Variants in KAZN observed in about 807,000 individuals in gnomAD.
KAZN encodes kazrin.
A neutral mutation model predicts 87.4 loss-of-function variants in KAZN; 40 were observed. The ratio of observed to expected loss-of-function variants is 0.46; its 90% confidence interval spans 0.36 to 0.60. The LOEUF (loss-of-function observed/expected upper bound fraction) is 0.60, where lower values mean the gene tolerates loss of function less well. KAZN is among the 20% of genes least tolerant of loss of function. The pLI is 0.00. For synonymous variants in KAZN, 466 were observed against 458.3 expected (o/e 1.02, Z -0.22); for missense variants, 898 against 1,073.9 (o/e 0.84, Z 2.29).
chr1:14,507,980 A>AAT (rs1553181513), intron 2 of KAZN, among the ~76,000 whole-genome samples: 29 of 41,970 alleles, frequency 6.9e-4, no homozygotes, highest in African/African-American at 2.5e-3. Flanking sequence ...AAAATAAATA[A>AAT]AAAAAAAAAA....
chr1:14,226,500 T>C (rs1161129215), intron 2 of KAZN, among the ~76,000 whole-genome samples: 4 of 152,176 alleles, frequency 2.6e-5, no homozygotes, highest in African/African-American at 9.7e-5. Context: ...TGGAGGTTTC[T>C]CAGAGAACTT....
At chr1:14,832,455 A>G (rs1198721415) in intron 1 of KAZN, among the ~76,000 whole-genome samples, 1 of 152,170 alleles carries the variant, frequency 6.6e-6, no homozygotes, top group Non-Finnish European at 1.5e-5. Context: ...CCTGGGAGTA[A>G]TGTTCACTAT....
At chr1:14,747,413 A>G (rs185835972) in intron 1 of KAZN, among the ~76,000 whole-genome samples, 1 of 152,238 alleles carries the variant, frequency 6.6e-6, no homozygotes, top group East Asian at 1.9e-4. Context: ...AATAACTGGG[A>G]CTACAGGCAT....
intron 2 of KAZN, among the ~76,000 whole-genome samples, chr1:15,029,531 G>A (rs184282853): frequency 6.6e-6 from 1 of 152,296 alleles, no homozygotes; most frequent in African/African-American, 2.4e-5. Context: ...CCCTTGGACT[G>A]CCGGATAAAT....
intron 2 of KAZN, among the ~76,000 whole-genome samples, chr1:14,355,142 CAATT>C (rs1438875535): frequency 6.6e-6 from 1 of 152,128 alleles, no homozygotes; most frequent in Non-Finnish European, 1.5e-5. Context: ...AGAACCAACA[CAATT>C]AATTACAGTG....
chr1:14,200,436 A>G (rs1646615472), intron 2 of KAZN, among the ~76,000 whole-genome samples: 1 of 152,174 alleles, frequency 6.6e-6, no homozygotes, highest in Non-Finnish European at 1.5e-5. Context: ...CCCCATATGG[A>G]AAAAAATTTT....
upstream of KAZN, chr1:14,598,656 T>C: frequency 8.3e-7 from 1 of 1,203,600 alleles, no homozygotes; most frequent in Non-Finnish European, 1.0e-6. This position sits in a 1 kb window ranked among gnomAD's most constrained non-coding sequence, Gnocchi z 4.2. Flanking sequence ...TAGGCTCCAT[T>C]TAAAGAGTGC....
chr1:13,982,627 G>A (rs556366303), intron 1 of KAZN, among the ~76,000 whole-genome samples: 6 of 152,186 alleles, frequency 3.9e-5, no homozygotes, highest in South Asian at 2.1e-4. Flanking sequence ...TGGTAGAGCC[G>A]AGTGGTCTGT....
intron 2 of KAZN, among the ~76,000 whole-genome samples, chr1:14,445,926 G>C (rs542118737): frequency 5.4e-4 from 82 of 152,178 alleles, no homozygotes; most frequent in Admixed American, 5.3e-3. Context: ...GCTGGGCACA[G>C]TGGCTCAAGC....
chr1:14,606,006 C>A (rs1417447139), intron 1 of KAZN, among the ~76,000 whole-genome samples: 1 of 152,196 alleles, frequency 6.6e-6, no homozygotes, highest in Non-Finnish European at 1.5e-5. Flanking sequence ...GGGCAGGTAC[C>A]ATGCTCGTAC....
At position 14,282,086 on chromosome 1, in the gene KAZN, T is replaced by A. The variant is rs114599418; in HGVS notation, c.249+101494T>A. 2.3e-3 allele frequency among the ~76,000 whole-genome samples: 353 copies of A among 152,318 alleles called. 4 individuals carry two copies. Among genetic ancestry groups the A allele is most frequent in the African/African-American group, 8.1e-3 (337 of 41,572 alleles). Reference sequence around the variant, plus strand: ...AGGGAGATTTTGTCTGGAAAAAAAATATTTTTGTTACCTGAAAAATAAAAG... The same window carrying A: ...AGGGAGATTTTGTCTGGAAAAAAAAAATTTTTGTTACCTGAAAAATAAAAG... On this transcript the variant is annotated intron_variant, in intron 2 of 16. Coordinates refer to the KAZN transcript ENST00000636203.
chr1:14,039,169 CAA>C (rs5772558), intron 1 of KAZN, among the ~76,000 whole-genome samples: 9,223 of 122,476 alleles, frequency 0.075, 695 homozygotes, highest in African/African-American at 0.21. Context: ...GACTCTGTCT[CAA>C]AAAAAAAAAA....
intron 2 of KAZN, among the ~76,000 whole-genome samples, chr1:14,213,606 T>A (rs1430110724): frequency 2.6e-5 from 4 of 152,154 alleles, no homozygotes; most frequent in Non-Finnish European, 5.9e-5. Context: ...GTTAGTTGGT[T>A]AGAAAGGTCA....
chr1:13,963,301 G>A (rs1470227366), intron 1 of KAZN, among the ~76,000 whole-genome samples: 3 of 152,114 alleles, frequency 2.0e-5, no homozygotes, highest in Non-Finnish European at 2.9e-5. Flanking sequence ...CAGGTTAAGG[G>A]AAAGTATGAA....
chr1:15,069,604 G>A (rs9943059), intron 8 of KAZN, among the ~76,000 whole-genome samples: 17,138 of 152,270 alleles, frequency 0.11, 1,531 homozygotes, highest in East Asian at 0.53. Context: ...TCCAACCTGG[G>A]TGACAGAGCG....
chr1:14,727,116 T>C (rs1284160347), intron 1 of KAZN, among the ~76,000 whole-genome samples: 4 of 150,876 alleles, frequency 2.7e-5, no homozygotes, highest in African/African-American at 9.9e-5. Context: ...GGTTTTTAAA[T>C]ATATATATAT....
At chr1:14,386,706 T>C (rs556222966) in intron 2 of KAZN, among the ~76,000 whole-genome samples, 1 of 152,256 alleles carries the variant, frequency 6.6e-6, no homozygotes, top group South Asian at 2.1e-4. Flanking sequence ...TGGGCTTCCC[T>C]TTGAGGGTAA....
intron 1 of KAZN, among the ~76,000 whole-genome samples, chr1:14,878,230 C>A (rs1426236431): frequency 2.0e-5 from 3 of 152,176 alleles, no homozygotes; most frequent in African/African-American, 7.2e-5. Flanking sequence ...CACAACCTAT[C>A]ACTGATGCAT....
At chr1:14,116,494 G>A (rs1644621477) in intron 1 of KAZN, among the ~76,000 whole-genome samples, 2 of 152,184 alleles carry the variant, frequency 1.3e-5, no homozygotes, top group Admixed American at 6.5e-5. Context: ...GTTGAGGTTT[G>A]GGAACCTCTG....
Sources: allele counts gnomAD v4.1 joint callset (sites outside exome capture counted in the v4.1 genomes callset), GRCh38; gene constraint gnomAD v4.1.1; non-coding constraint Gnocchi (gnomAD v3.1); transcripts MANE v1.5; gene names NCBI Gene and HGNC (gene_info 2026-07-23, HGNC 2026-07-21).